Variants in PHEX observed in about 807,000 individuals in gnomAD.
The protein encoded by PHEX is phosphate-regulating neutral endopeptidase PHEX.
PHEX carries 16 observed loss-of-function variants against 68.0 expected under a neutral mutation model. The ratio of observed to expected loss-of-function variants is 0.24; its 90% CI spans 0.16 to 0.36. PHEX has a LOEUF of 0.36. Among genes scored for constraint, PHEX ranks in the 10% least tolerant of loss-of-function variants. PHEX has a pLI of 1.00. For synonymous variants in PHEX, 208 were observed against 205.1 expected, an observed-to-expected ratio of 1.01 and a Z score of -0.12; for missense variants, 480 against 575.5, an observed-to-expected ratio of 0.83 and a Z score of 1.70.
chrX:22,177,126 C>T (rs1933735771), intron 13 of PHEX, among the ~76,000 whole-genome samples: 1 of 111,343 alleles, frequency 9.0e-6, no homozygotes, highest in Non-Finnish European at 1.9e-5. Flanking sequence ...GACATGAGAA[C>T]CCACTCTGTG....
chrX:22,080,229 A>G (rs1929329587), intron 5 of PHEX, among the ~76,000 whole-genome samples: 1 of 112,054 alleles, frequency 8.9e-6, no homozygotes, highest in Non-Finnish European at 1.9e-5. Context: ...TAAAATGTCA[A>G]TGATAGAATA....
chrX:22,114,074 C>G (rs907365511), intron 10 of PHEX, among the ~76,000 whole-genome samples: 23 of 106,651 alleles, frequency 2.2e-4, no homozygotes, highest in African/African-American at 6.9e-4. Context: ...CTCAGCCTCC[C>G]AAGTAGCTGG....
At chrX:22,145,539 C>A (rs1454209162) in intron 12 of PHEX, among the ~76,000 whole-genome samples, 1 of 109,061 alleles carries the variant, frequency 9.2e-6, no homozygotes, top group Non-Finnish European at 1.9e-5. Context: ...TTGCTCGAAT[C>A]CAGGAGGTGG....
chrX:22,107,320 C>A (rs978868621), intron 9 of PHEX, among the ~76,000 whole-genome samples: 1 of 112,087 alleles, frequency 8.9e-6, no homozygotes, highest in Non-Finnish European at 1.9e-5. Context: ...CATCACCACC[C>A]CTTTGAGGGA....
At chrX:22,216,792 T>C (rs1472821750) in intron 16 of PHEX, among the ~76,000 whole-genome samples, 1 of 111,416 alleles carries the variant, frequency 9.0e-6, no homozygotes, top group Non-Finnish European at 1.9e-5. Flanking sequence ...AGTGCTGGGA[T>C]TACAGGCGTG....
intron 3 of PHEX, among the ~76,000 whole-genome samples, chrX:22,061,191 G>A (rs959781635): frequency 2.7e-5 from 3 of 112,006 alleles, no homozygotes; most frequent in Admixed American, 9.5e-5. Flanking sequence ...AGAGAGATGC[G>A]TGAATCCCTT....
intron 15 of PHEX, among the ~76,000 whole-genome samples, chrX:22,191,500 T>C (rs969129278): frequency 1.8e-5 from 2 of 112,491 alleles, no homozygotes; most frequent in African/African-American, 6.5e-5. Context: ...CCTATGACCA[T>C]GATGTGTGCT....
At chrX:22,101,130 C>T (rs762012316) in intron 9 of PHEX, among the ~76,000 whole-genome samples, 1 of 111,618 alleles carries the variant, frequency 9.0e-6, no homozygotes, top group Admixed American at 9.5e-5. Flanking sequence ...GAGCCAAGGT[C>T]GCACCACTGC....
chrX:22,062,376 C>T (rs1039718302), intron 3 of PHEX, among the ~76,000 whole-genome samples: 5 of 111,732 alleles, frequency 4.5e-5, no homozygotes, highest in Non-Finnish European at 9.4e-5. Context: ...TTTCTAGGAG[C>T]CACACTTTAA....
chrX:22,157,946 G>T (rs941679537), intron 12 of PHEX, among the ~76,000 whole-genome samples: 1 of 111,414 alleles, frequency 9.0e-6, no homozygotes, highest in Non-Finnish European at 1.9e-5. Flanking sequence ...CTTGTGGACC[G>T]CACCCAAAAG....
At position 22,047,311 on chromosome X, in the gene PHEX, C is replaced by G. The variant is rs1927589253; in HGVS notation, c.349+100C>G. ...TGAAGCATGACTTCTCACTTTTTAA[C>G]TACCATGCTAAATTCATTTCCAAGA... On this transcript the variant is annotated intron_variant, in intron 3 of 21. Transcript: ENST00000379374. The G allele has an allele frequency of 7.1e-5, 50 of 703,914 alleles. No individual in the cohort carries two copies. The South Asian group carries it at 1.1e-3, about 16-fold the overall frequency. The allele number at this position is 703,914 out of a possible 1,213,427, so 58.0% of individuals were successfully genotyped here. A position where few individuals can be genotyped will look rare whatever the true frequency, so the allele number is the denominator to read the frequency against.
chrX:22,139,167 G>A (rs1437296337), intron 12 of PHEX, among the ~76,000 whole-genome samples: 1 of 111,599 alleles, frequency 9.0e-6, no homozygotes, highest in Non-Finnish European at 1.9e-5. Flanking sequence ...CAGAAGATTT[G>A]TTATGAGGAT....
Position 22,232,596 on chromosome X carries a change from C to CT in PHEX, c.2070+5015dup, listed in dbSNP as rs745474280. Among the ~76,000 whole-genome samples, 76 of 18,530 alleles carry CT rather than the reference C, an allele frequency of 4.1e-3. 6 individuals are homozygous for CT. The highest frequency in any genetic ancestry group is 7.3e-3 in the East Asian group (4 of 550). The allele number at this position is 18,530 out of a possible 115,157, so 16.1% of individuals were successfully genotyped here. ...TCAGAGATTAGGATTGCCACTTCTGCTTTTTTTTTTTTTTTTTTTTTTTTT... is the reference window on the plus strand; with the variant it reads ...TCAGAGATTAGGATTGCCACTTCTGCTTTTTTTTTTTTTTTTTTTTTTTTTT... On this transcript the variant is annotated intron_variant, in intron 20 of 21. Transcript: ENST00000379374.
Position 22,096,977 on chromosome X carries a change from G to A in PHEX, c.872G>A (p.Arg291Gln), listed in dbSNP as rs1930165388. 3 of 1,203,752 alleles carry A rather than the reference G, an allele frequency of 2.5e-6. No individual in the cohort carries two copies. Among genetic ancestry groups the A allele is most frequent in the African/African-American group, 1.7e-5 (1 of 57,382 alleles). ...CAGATAATGATTCCACATGAAAACC[G>A]AACCAGCGAGGCCATGTACAACAAA... is the stretch of plus-strand genomic sequence containing the variant. Reference protein sequence around the residue: ...IAEIMIPHENRTSEAMYNKMN... With the variant: ...IAEIMIPHENQTSEAMYNKMN... Residue 291 changes from arginine (R) to glutamine (Q), a missense_variant, in exon 8 of 22, where the codon CGA (arginine) becomes CAA (glutamine). By Grantham distance (43) the Arg-to-Gln change is conservative (BLOSUM62 1). Coordinates refer to ENST00000379374, the MANE Select transcript of PHEX (RefSeq NM_000444.6).
At chrX:22,216,537 G>T (rs992172902) in intron 16 of PHEX, among the ~76,000 whole-genome samples, 8 of 102,298 alleles carry the variant, frequency 7.8e-5, no homozygotes, top group Non-Finnish European at 1.6e-4. Flanking sequence ...ATTTATTTAT[G>T]AGACAGAGTT....
chrX:22,063,740 C>T (rs1004679665), intron 3 of PHEX, among the ~76,000 whole-genome samples: 1 of 112,454 alleles, frequency 8.9e-6, no homozygotes, highest in African/African-American at 3.2e-5. Flanking sequence ...TTCAGTTGTC[C>T]TTAAAATGCT....
intron 10 of PHEX, among the ~76,000 whole-genome samples, chrX:22,113,735 C>T (rs912377352): frequency 9.1e-6 from 1 of 110,267 alleles, no homozygotes; most frequent in African/African-American, 3.3e-5. Context: ...GAACTTTGAT[C>T]ACCCACTGAT....
At chrX:22,056,963 G>A (rs1028983245) in intron 3 of PHEX, among the ~76,000 whole-genome samples, 4 of 109,752 alleles carry the variant, frequency 3.6e-5, no homozygotes, top group Non-Finnish European at 3.8e-5. Flanking sequence ...GAATTGAGGT[G>A]TGATGTAAGT....
At chrX:22,037,954 G>A (rs905731382) in intron 1 of PHEX, among the ~76,000 whole-genome samples, 1 of 111,619 alleles carries the variant, frequency 9.0e-6, no homozygotes, top group Admixed American at 9.5e-5. Flanking sequence ...TTGAACATGG[G>A]CATGGAGTTA....
Sources: gnomAD v4.1 joint callset for allele counts (sites outside exome capture counted in the v4.1 genomes callset) on GRCh38, gnomAD v4.1.1 for gene constraint, MANE v1.5 for transcripts, NCBI Gene and HGNC (gene_info 2026-07-23, HGNC 2026-07-21) for gene names.